Variants in ATP10B observed in about 807,000 individuals in gnomAD.
ATP10B encodes the protein phospholipid-transporting ATPase VB.
ATP10B carries 122 observed loss-of-function variants against 141.2 expected under a neutral mutation model. The observed-to-expected ratio is 0.86, with a 90% CI of 0.75 to 1.00. The LOEUF (loss-of-function observed/expected upper bound fraction) is 1.00. ATP10B is among the 50% of genes least tolerant of loss of function. The pLI, the probability that ATP10B is intolerant of heterozygous loss-of-function variation, is 0.00. For missense variants in ATP10B, 1,876 were observed against 1,825.3 expected (o/e 1.03, Z -0.51); for synonymous variants, 685 against 692.0 (o/e 0.99, Z 0.16).
rs75241053 is a variant in ATP10B at position 160,725,230 on chromosome 5, T to A, written c.-330-8196A>T. 9.5e-3 allele frequency among the ~76,000 whole-genome samples: 1,440 copies of A among 152,288 alleles called. 22 individuals are homozygous for A. The highest frequency in any genetic ancestry group is 0.033 in the African/African-American group (1,375 of 41,548). On this transcript the variant is annotated intron_variant, in intron 2 of 25. Transcript: ENST00000327245. ...ACAGGGGAAGAACAGTTTGAAGAGA[T>A]GGCAGTCATAAAAATAACCTGAACA... is the stretch of plus-strand genomic sequence containing the variant.
At chr5:160,809,780 T>C (rs1416306954) in intron 1 of ATP10B, among the ~76,000 whole-genome samples, 1 of 152,204 alleles carries the variant, frequency 6.6e-6, no homozygotes, top group African/African-American at 2.4e-5. Context: ...ATCTGTTCCT[T>C]AAACATAGAA....
At chr5:160,683,661 G>A (rs552714878) in intron 6 of ATP10B, among the ~76,000 whole-genome samples, 153 of 152,356 alleles carry the variant, frequency 1.0e-3, no homozygotes, top group Non-Finnish European at 2.0e-3. Context: ...AAAGGAATGA[G>A]ATGGCCTAGG....
At chr5:160,879,536 T>TA in the ATP10B span, among the ~76,000 whole-genome samples, 15 of 129,218 alleles carry the variant, frequency 1.2e-4, no homozygotes, top group Admixed American at 3.9e-4. Flanking sequence ...TAAAGTAAAA[T>TA]TAAAAAAAAA....
intron 2 of ATP10B, among the ~76,000 whole-genome samples, chr5:160,744,403 A>G (rs1767670759): frequency 6.6e-6 from 1 of 152,120 alleles, no homozygotes; most frequent in African/African-American, 2.4e-5. Flanking sequence ...GGTTGTTTCT[A>G]TCTGGCTGGG....
intron 3 of ATP10B, among the ~76,000 whole-genome samples, chr5:160,716,245 A>G (rs754874096): frequency 1.3e-5 from 2 of 152,232 alleles, no homozygotes; most frequent in African/African-American, 4.8e-5. Context: ...TTAAAATTAT[A>G]CTATATCTCA....
intron 22 of ATP10B, among the ~76,000 whole-genome samples, chr5:160,596,854 T>G (rs574789669): frequency 2.0e-5 from 3 of 152,138 alleles, no homozygotes; most frequent in Non-Finnish European, 4.4e-5. Context: ...AAGGACCTCT[T>G]CAAAGAGAAC....
the ATP10B span, among the ~76,000 whole-genome samples, chr5:160,904,504 CGTGT>C: frequency 1.3e-5 from 2 of 151,260 alleles, no homozygotes; most frequent in African/African-American, 2.4e-5. Flanking sequence ...TCTGGGTGTG[CGTGT>C]GTATGTTTCA....
intron 2 of ATP10B, among the ~76,000 whole-genome samples, chr5:160,778,104 C>A (rs1770464744): frequency 6.6e-6 from 1 of 152,170 alleles, no homozygotes; most frequent in Non-Finnish European, 1.5e-5. Flanking sequence ...CTACAGAAAG[C>A]TTAATTTTCA....
chr5:160,621,281 A>C (rs1367829128), intron 14 of ATP10B, among the ~76,000 whole-genome samples: 3 of 152,184 alleles, frequency 2.0e-5, no homozygotes, highest in Non-Finnish European at 4.4e-5. Flanking sequence ...TGCTATCATC[A>C]ACCCAACTTA....
At chr5:160,773,704 T>G (rs544830293) in intron 2 of ATP10B, among the ~76,000 whole-genome samples, 1 of 152,290 alleles carries the variant, frequency 6.6e-6, no homozygotes, top group African/African-American at 2.4e-5. Context: ...CATTTATTCT[T>G]CAGCAGTGTA....
At chr5:160,889,403 T>G in the ATP10B span, among the ~76,000 whole-genome samples, 3 of 152,164 alleles carry the variant, frequency 2.0e-5, no homozygotes, top group African/African-American at 7.2e-5. Context: ...CCATGTGTAG[T>G]AATTAAAAGG....
chr5:160,793,611 T>C (rs1232387573), intron 1 of ATP10B, among the ~76,000 whole-genome samples: 5 of 152,212 alleles, frequency 3.3e-5, no homozygotes, highest in African/African-American at 1.2e-4. Context: ...TGTCACAACA[T>C]TGTATTGCAA....
chr5:160,764,230 C>A (rs1769244303), intron 2 of ATP10B, among the ~76,000 whole-genome samples: 1 of 149,508 alleles, frequency 6.7e-6, no homozygotes, highest in South Asian at 2.1e-4. Context: ...ACCCTAATCC[C>A]AAAACTAGGA....
intron 2 of ATP10B, among the ~76,000 whole-genome samples, chr5:160,785,044 G>C (rs188374164): frequency 6.6e-6 from 1 of 152,112 alleles, no homozygotes; most frequent in African/African-American, 2.4e-5. Context: ...AGGCAAGGGT[G>C]TGTAACACAT....
upstream of ATP10B, among the ~76,000 whole-genome samples, chr5:160,852,453 C>A (rs935202223): frequency 6.6e-6 from 1 of 152,102 alleles, no homozygotes; most frequent in Non-Finnish European, 1.5e-5. Flanking sequence ...CAATTATAAC[C>A]TTGCAGTTCT....
chr5:160,634,247 C>T (rs767031527), intron 12 of ATP10B, 107 bp downstream of exon 12: 1 of 1,531,004 alleles, frequency 6.5e-7, no homozygotes, highest in South Asian at 1.1e-5. Context: ...GGAAATGCCA[C>T]ACAGCCTCTA....
chr5:160,565,492 C>T lies in ATP10B; in HGVS notation c.4347G>A (p.Arg1449=), dbSNP rs770646806. ...GQTDMCRCSK[R]SSHRRSQSSL... is the part of the protein sequence containing the mutation. ...AACTCTGGGATCGGCGATGGCTGCT[C>T]CTCTTTGAGCACCGGCACATATCAG... Residue 1449 remains arginine (R), a synonymous_variant, in exon 26 of 26, where the codon AGG becomes AGA. Transcript: ENST00000327245. 1.5e-5 allele frequency: 24 copies of T among 1,613,986 alleles called. No homozygotes were observed. In the South Asian group the frequency reaches 2.5e-4, roughly 17 times the overall value.
At chr5:160,720,797 A>G (rs1765942096) in intron 2 of ATP10B, among the ~76,000 whole-genome samples, 1 of 152,214 alleles carries the variant, frequency 6.6e-6, no homozygotes, top group Non-Finnish European at 1.5e-5. Context: ...TTGAAAGAGA[A>G]ATGTTGCCTT....
At chr5:160,823,448 C>T (rs1294613308) in intron 1 of ATP10B, among the ~76,000 whole-genome samples, 1 of 152,000 alleles carries the variant, frequency 6.6e-6, no homozygotes, top group Non-Finnish European at 1.5e-5. Flanking sequence ...AGACTTAATA[C>T]CTAGGTGATG....
Sources: allele counts gnomAD v4.1 joint callset (sites outside exome capture counted in the v4.1 genomes callset), GRCh38; gene constraint gnomAD v4.1.1; transcripts MANE v1.5; gene names NCBI Gene and HGNC (gene_info 2026-07-23, HGNC 2026-07-21).